Variants in ACSL4 observed in about 807,000 individuals in gnomAD.
ACSL4 encodes long-chain-fatty-acid--CoA ligase 4.
In ACSL4, 9 loss-of-function variants were observed where a neutral mutation model predicts 49.1. The ratio of observed to expected loss-of-function variants is 0.18; its 90% CI spans 0.11 to 0.32. The LOEUF is 0.32. Among genes scored for constraint, ACSL4 ranks in the 10% least tolerant of loss-of-function variants. The probability of loss-of-function intolerance (pLI) is 1.00; values close to 1 mark genes in which losing one functional copy is unlikely to be tolerated. For missense variants in ACSL4, 333 were observed against 493.7 expected, an observed-to-expected ratio of 0.67 and a Z score of 3.08; for synonymous variants, 191 against 170.3, an observed-to-expected ratio of 1.12 and a Z score of -0.95.
At chrX:109,671,483 C>T (rs1283059598) in intron 9 of ACSL4, among the ~76,000 whole-genome samples, 1 of 108,783 alleles carries the variant, frequency 9.2e-6, no homozygotes, top group Non-Finnish European at 1.9e-5. Context: ...CCAGCCACCC[C>T]GTCCGGGAGG....
At chrX:109,709,695 A>T in intron 1 of ACSL4, among the ~76,000 whole-genome samples, 1 of 112,883 alleles carries the variant, frequency 8.9e-6, no homozygotes, top group Non-Finnish European at 1.9e-5. Context: ...TTTCTCAAAA[A>T]TTAACTTTTA....
At chrX:109,721,938 T>G (rs1200702009) in intron 1 of ACSL4, among the ~76,000 whole-genome samples, 1 of 110,886 alleles carries the variant, frequency 9.0e-6, no homozygotes, top group Non-Finnish European at 1.9e-5. Context: ...TCTGCTAACT[T>G]GATAGCACCT....
At chrX:109,646,906 A>C (rs1169832151) in intron 15 of ACSL4, among the ~76,000 whole-genome samples, 1 of 111,765 alleles carries the variant, frequency 8.9e-6, no homozygotes, top group African/African-American at 3.3e-5. Context: ...TAAACCAACA[A>C]AGATCAGAAG....
intron 1 of ACSL4, among the ~76,000 whole-genome samples, chrX:109,714,853 T>C (rs1256851270): frequency 8.9e-6 from 1 of 112,241 alleles, no homozygotes; most frequent in Non-Finnish European, 1.9e-5. Flanking sequence ...TCTCAGAACA[T>C]GTCCCTGTCA....
intron 9 of ACSL4, among the ~76,000 whole-genome samples, chrX:109,673,927 AT>A (rs1234640930): frequency 1.8e-5 from 2 of 111,693 alleles, no homozygotes; most frequent in Non-Finnish European, 3.8e-5. Context: ...AATATATAGA[AT>A]TAAACTTTTT....
chrX:109,721,689 GCCACTGCACT>G (rs1927565068), intron 1 of ACSL4, among the ~76,000 whole-genome samples: 1 of 108,708 alleles, frequency 9.2e-6, no homozygotes, highest in Non-Finnish European at 1.9e-5. Context: ...GCGAGATCCT[GCCACTGCACT>G]CCAGCCTGGG....
intron 9 of ACSL4, among the ~76,000 whole-genome samples, chrX:109,670,771 G>A (rs1011273730): frequency 4.7e-4 from 52 of 111,388 alleles, no homozygotes; most frequent in African/African-American, 1.3e-3. Context: ...GATTGCAGGC[G>A]CGTGCCGCCA....
At chrX:109,703,608 G>A (rs1926126466) in intron 1 of ACSL4, among the ~76,000 whole-genome samples, 1 of 111,734 alleles carries the variant, frequency 8.9e-6, no homozygotes, top group Non-Finnish European at 1.9e-5. Context: ...TTAATTTTTT[G>A]CTTTTCACTA....
chrX:109,700,115 G>A lies in ACSL4; in HGVS notation c.-65-3919C>T, dbSNP rs1399847597. Among the ~76,000 whole-genome samples, 8 of 106,335 alleles carry A rather than the reference G, an allele frequency of 7.5e-5. No homozygotes were observed. The Admixed American group carries it at 8.1e-4, about 11-fold the overall frequency. The allele number at this position is 106,335 out of a possible 115,157, so 92.3% of individuals were successfully genotyped here. On this transcript the variant is annotated intron_variant, in intron 1 of 15. Transcript: ENST00000672401. The stretch of plus-strand genomic sequence containing the variant: ...CCTAGCTACTCAGGAGGCTGAGGCA[G>A]GAGAACTACTTGAACCCGGGAGGCA...
intron 15 of ACSL4, among the ~76,000 whole-genome samples, chrX:109,651,973 A>G (rs1177365204): frequency 8.9e-6 from 1 of 111,869 alleles, no homozygotes; most frequent in Non-Finnish European, 1.9e-5. Context: ...AAAGGTTAGG[A>G]GAAGGAAAAA....
chrX:109,692,369 C>T (rs1256647166), intron 2 of ACSL4, among the ~76,000 whole-genome samples: 2 of 111,885 alleles, frequency 1.8e-5, no homozygotes, highest in East Asian at 5.5e-4. Context: ...AAAAATGTAG[C>T]TTTCTAAAGC....
intron 15 of ACSL4, among the ~76,000 whole-genome samples, chrX:109,656,645 G>A (rs973096382): frequency 2.7e-5 from 3 of 110,491 alleles, no homozygotes; most frequent in Non-Finnish European, 5.7e-5. Flanking sequence ...GAGACTTGGG[G>A]AAAAGAGGGA....
rs181472020 is a variant in ACSL4 at position 109,681,731 on chromosome X, C to T, written c.407-356G>A. 3.6e-3 allele frequency among the ~76,000 whole-genome samples: 404 copies of T among 112,258 alleles called. 2 individuals carry two copies. Among genetic ancestry groups the T allele is most frequent in the African/African-American group, 0.012 (373 of 30,929 alleles). The stretch of plus-strand genomic sequence containing the variant: ...CCAGCTAGGGCTTCTTCTTGATACA[C>T]ACTTTCATTGGCCATAGCCTCCAAA... On this transcript the variant is annotated intron_variant, in intron 4 of 15. Coordinates refer to ENST00000672401, the MANE Select transcript of ACSL4 (RefSeq NM_001318510.2).
chrX:109,729,794 T>C (rs1413894858), intron 1 of ACSL4, among the ~76,000 whole-genome samples: 2 of 112,459 alleles, frequency 1.8e-5, no homozygotes, highest in Non-Finnish European at 3.8e-5. Flanking sequence ...AAGCCATTGA[T>C]AAAAGGTATA....
At chrX:109,726,449 C>CA (rs1189610170) in intron 1 of ACSL4, among the ~76,000 whole-genome samples, 7 of 111,574 alleles carry the variant, frequency 6.3e-5, no homozygotes, top group African/African-American at 2.0e-4. Context: ...AACCAACAAA[C>CA]AAAAAAACAA....
intron 1 of ACSL4, among the ~76,000 whole-genome samples, chrX:109,722,638 T>G (rs1927647657): frequency 9.0e-6 from 1 of 111,541 alleles, no homozygotes; most frequent in Admixed American, 9.6e-5. Context: ...CTGAACTGAC[T>G]CAACATTAAA....
chrX:109,662,992 T>C (rs1448147754), intron 13 of ACSL4, among the ~76,000 whole-genome samples: 11 of 111,802 alleles, frequency 9.8e-5, no homozygotes, highest in Non-Finnish European at 1.7e-4. Context: ...CTGTTTAGAA[T>C]ATTTTACATA....
At chrX:109,720,694 T>C (rs1927479163) in intron 1 of ACSL4, among the ~76,000 whole-genome samples, 1 of 112,118 alleles carries the variant, frequency 8.9e-6, no homozygotes. Flanking sequence ...CTGCCTTTTG[T>C]AGTTTCCAGG....
At chrX:109,673,385 G>C (rs1380843629) in intron 9 of ACSL4, among the ~76,000 whole-genome samples, 1 of 112,008 alleles carries the variant, frequency 8.9e-6, no homozygotes, top group Non-Finnish European at 1.9e-5. Flanking sequence ...TTAGAATTAA[G>C]TGAGATAATT....
Sources: gnomAD v4.1 joint callset for allele counts (sites outside exome capture counted in the v4.1 genomes callset) on GRCh38, gnomAD v4.1.1 for gene constraint, MANE v1.5 for transcripts, NCBI Gene and HGNC (gene_info 2026-07-23, HGNC 2026-07-21) for gene names.